RASGEF1C: variants seen among roughly 807,000 people sequenced by gnomAD.
The protein encoded by RASGEF1C is RasGEF domain family member 1C, also known as ras-GEF domain-containing family member 1C.
In RASGEF1C, 27 loss-of-function variants were observed where a neutral mutation model predicts 58.1. That is an observed-to-expected ratio of 0.46 (90% confidence interval 0.34 to 0.64). The LOEUF is 0.64. Among genes scored for constraint, RASGEF1C ranks in the 30% least tolerant of loss-of-function variants. The pLI, the probability that RASGEF1C is intolerant of heterozygous loss-of-function variation, is 0.01. For synonymous variants in RASGEF1C, 243 were observed against 246.3 expected, an observed-to-expected ratio of 0.99 and a Z score of 0.13; for missense variants, 502 against 605.1, an observed-to-expected ratio of 0.83 and a Z score of 1.79.
intron 1 of RASGEF1C, among the ~76,000 whole-genome samples, chr5:180,148,267 A>G (rs115019932): frequency 0.018 from 2,736 of 152,294 alleles, 41 homozygotes; most frequent in Admixed American, 0.028. Flanking sequence ...TGGACAATAT[A>G]TAGTTGGATC....
At chr5:180,128,226 C>G (rs1195779654) in intron 5 of RASGEF1C, among the ~76,000 whole-genome samples, 184 bp downstream of exon 5, 1 of 152,208 alleles carries the variant, frequency 6.6e-6, no homozygotes, top group African/African-American at 2.4e-5. Flanking sequence ...CCCGCCCCAG[C>G]CTCCCTCTCC....
chr5:180,191,932 G>C (rs1756171450), intron 1 of RASGEF1C, among the ~76,000 whole-genome samples: 1 of 152,146 alleles, frequency 6.6e-6, no homozygotes, highest in Non-Finnish European at 1.5e-5. Context: ...ACGCTCACTG[G>C]TTGTTGGCAG....
rs937072182 is a variant in RASGEF1C, at chr5:180,132,319, T to G, written c.439-3709A>C. 3.9e-5 allele frequency among the ~76,000 whole-genome samples: 6 copies of G among 151,926 alleles called. No homozygotes were observed. In the East Asian group the frequency reaches 9.7e-4, roughly 24 times the overall value. On this transcript the variant is annotated intron_variant, in intron 4 of 13. Coordinates refer to ENST00000361132, the MANE Select transcript of RASGEF1C (RefSeq NM_175062.4). Reference sequence around the variant, plus strand: ...CATAGAGCCGGGTGTGAATGCGGAGTCGTCCGACGGTGGCCTGGGCGGCAG... The same window carrying G: ...CATAGAGCCGGGTGTGAATGCGGAGGCGTCCGACGGTGGCCTGGGCGGCAG...
intron 1 of RASGEF1C, among the ~76,000 whole-genome samples, chr5:180,195,241 G>C (rs886477686): frequency 1.3e-5 from 2 of 152,154 alleles, no homozygotes; most frequent in Non-Finnish European, 2.9e-5. Flanking sequence ...CCCTCACACA[G>C]ACATGAGCTC....
At chr5:180,114,940 C>A (rs1027523841) in intron 10 of RASGEF1C, among the ~76,000 whole-genome samples, 58 of 152,186 alleles carry the variant, frequency 3.8e-4, no homozygotes, top group African/African-American at 1.4e-3. Context: ...TTGTGGGCAC[C>A]GGGAGGTGCA....
Position 180,118,937 on chromosome 5 carries a change from T to C in RASGEF1C, c.908-71A>G, listed in dbSNP as rs1199522032. On this transcript the variant is annotated intron_variant, in intron 8 of 13. Transcript: ENST00000361132. ...GGGCCTCTGCGTAGCTGCACCCCCT[T>C]GGACTGCACCCTGACCAGGGCTGAG... 2.1e-6 allele frequency: 3 copies of C among 1,404,284 alleles called. No homozygotes were observed. The East Asian group carries it at 6.9e-5, about 32-fold the overall frequency. The allele number at this position is 1,404,284 out of a possible 1,614,324, so 87.0% of individuals were successfully genotyped here.
chr5:180,136,712 G>T, intron 3 of RASGEF1C, 197 bp from the exon 4 acceptor site: 2 of 599,982 alleles, frequency 3.3e-6, no homozygotes, highest in East Asian at 2.9e-5. Flanking sequence ...TTCTGGGCAG[G>T]GCCATCTCTT....
At chr5:180,142,083 G>T (rs189363572) in intron 1 of RASGEF1C, among the ~76,000 whole-genome samples, 1 of 152,302 alleles carries the variant, frequency 6.6e-6, no homozygotes, top group East Asian at 1.9e-4. Context: ...TGACAAAGGG[G>T]CTGGGAGTCT....
intron 1 of RASGEF1C, among the ~76,000 whole-genome samples, chr5:180,149,908 T>C (rs1397138324): frequency 3.3e-5 from 5 of 152,230 alleles, no homozygotes; most frequent in South Asian, 2.1e-4. Flanking sequence ...ATGTTTATAT[T>C]CATGTTTTTC....
At chr5:180,207,627 C>CTCGCCTGTCCGTCTG (rs1554116870) in intron 1 of RASGEF1C, among the ~76,000 whole-genome samples, 19 of 30,082 alleles carry the variant, frequency 6.3e-4, no homozygotes, top group Non-Finnish European at 3.5e-4. Flanking sequence ...CCGTCCCTCT[C>CTCGCCTGTCCGTCTG]TCGCCTGCCC....
At chr5:180,114,327 G>C (rs1371800501) in intron 11 of RASGEF1C, 119 bp downstream of exon 11, 1 of 911,964 alleles carries the variant, frequency 1.1e-6, no homozygotes, top group Non-Finnish European at 1.7e-6. Context: ...GGTCGGCTGT[G>C]AACTGCTCAT....
intron 4 of RASGEF1C, among the ~76,000 whole-genome samples, chr5:180,133,007 G>A (rs1044350062): frequency 1.3e-5 from 2 of 151,162 alleles, no homozygotes; most frequent in African/African-American, 4.9e-5. Flanking sequence ...AGTCCTCGGA[G>A]AGGGGCTGCC....
intron 1 of RASGEF1C, among the ~76,000 whole-genome samples, chr5:180,194,774 C>T (rs533339458): frequency 6.6e-6 from 1 of 152,300 alleles, no homozygotes; most frequent in Non-Finnish European, 1.5e-5. Context: ...TACAGGGCTC[C>T]GGAGCCTGAC....
chr5:180,119,723 C>A (rs61430941), intron 7 of RASGEF1C, among the ~76,000 whole-genome samples: 413 of 152,188 alleles, frequency 2.7e-3, no homozygotes, highest in African/African-American at 9.3e-3. Context: ...CATGGCTCCC[C>A]TCCAGCGCCC....
At chr5:180,111,358 A>T in intron 12 of RASGEF1C, 99 bp downstream of exon 12, 1 of 1,523,726 alleles carries the variant, frequency 6.6e-7, no homozygotes. Context: ...GGCAGGGTGC[A>T]TCCCTAACCT....
chr5:180,199,212 T>A (rs1581131910), intron 1 of RASGEF1C, among the ~76,000 whole-genome samples: 1 of 152,312 alleles, frequency 6.6e-6, no homozygotes, highest in South Asian at 2.1e-4. Flanking sequence ...TCAAAATGCT[T>A]AGCCTGCATT....
intron 1 of RASGEF1C, among the ~76,000 whole-genome samples, chr5:180,167,130 C>G (rs1441656698): frequency 2.6e-5 from 4 of 152,094 alleles, no homozygotes; most frequent in African/African-American, 9.7e-5. Flanking sequence ...TGGACAGTTT[C>G]CAGCTATTAT....
intron 12 of RASGEF1C, among the ~76,000 whole-genome samples, chr5:180,107,809 A>G (rs1765895335): frequency 6.6e-6 from 1 of 152,132 alleles, no homozygotes; most frequent in Non-Finnish European, 1.5e-5. Flanking sequence ...AGGTTTCGCC[A>G]TGTTGGTCAG....
At chr5:180,190,377 C>A (rs753523288) in intron 1 of RASGEF1C, among the ~76,000 whole-genome samples, 3 of 150,944 alleles carry the variant, frequency 2.0e-5, no homozygotes, top group Non-Finnish European at 4.4e-5. Flanking sequence ...GTAGTCCCAG[C>A]TACTCGGGAG....
Sources: gnomAD v4.1 joint callset for allele counts (sites outside exome capture counted in the v4.1 genomes callset) on GRCh38, gnomAD v4.1.1 for gene constraint, MANE v1.5 for transcripts, NCBI Gene and HGNC (gene_info 2026-07-23, HGNC 2026-07-21) for gene names.